Variants in BBS9 observed in about 807,000 individuals in gnomAD.
BBS9 encodes the protein Bardet-Biedl syndrome 9.
In BBS9, 89 loss-of-function variants were observed where a neutral mutation model predicts 117.7. That is an observed-to-expected ratio of 0.76 (90% CI 0.64 to 0.90). BBS9 has a LOEUF of 0.90. Among genes scored for constraint, BBS9 ranks in the 40% least tolerant of loss-of-function variants. BBS9 has a pLI of 0.00. For synonymous variants in BBS9, 379 were observed against 370.9 expected (o/e 1.02, Z -0.25); for missense variants, 982 against 1,042.2 (o/e 0.94, Z 0.80).
intron 20 of BBS9, among the ~76,000 whole-genome samples, chr7:33,532,259 G>A (rs1190272765): frequency 2.6e-5 from 4 of 152,242 alleles, no homozygotes. Flanking sequence ...GGGAGAGACA[G>A]TGTGGGTGCA....
chr7:33,412,987 T>G (rs1831400565), intron 19 of BBS9, among the ~76,000 whole-genome samples: 1 of 152,176 alleles, frequency 6.6e-6, no homozygotes, highest in African/African-American at 2.4e-5. Flanking sequence ...TTTGATATAG[T>G]TTAGTAGGGA....
At chr7:33,480,661 G>T (rs920040338) in intron 19 of BBS9, among the ~76,000 whole-genome samples, 3 of 152,278 alleles carry the variant, frequency 2.0e-5, no homozygotes, top group African/African-American at 4.8e-5. Context: ...TTGCTTAGGG[G>T]CAGGGCTGGT....
rs1836172746 is a variant in BBS9 at position 33,441,478 on chromosome 7, T to TG, written c.2115+53334_2115+53335insG. Among the ~76,000 whole-genome samples, 5 of 152,322 alleles carry TG rather than the reference T, an allele frequency of 3.3e-5. No homozygotes were observed. In the South Asian group the frequency reaches 6.2e-4, roughly 19 times the overall value. On this transcript the variant is annotated intron_variant, in intron 19 of 22. Transcript: ENST00000242067. ...TCTATTCATAAAATGAAAATCACAA[T>TG]AATACCTTGTGGAAACTTAATTCAT... is the stretch of plus-strand genomic sequence containing the variant.
chr7:33,568,002 C>T (rs927269167), intron 21 of BBS9, among the ~76,000 whole-genome samples: 3 of 152,166 alleles, frequency 2.0e-5, no homozygotes, highest in Admixed American at 1.3e-4. Context: ...TTCCTGTAGT[C>T]TTTCTTCTTC....
At chr7:33,585,988 A>G (rs1240210514) in intron 21 of BBS9, among the ~76,000 whole-genome samples, 1 of 151,992 alleles carries the variant, frequency 6.6e-6, no homozygotes, top group Non-Finnish European at 1.5e-5. Context: ...ATAACTGCCA[A>G]TTACTGAGCA....
chr7:33,166,010 A>G (rs935694390), intron 4 of BBS9, among the ~76,000 whole-genome samples: 6 of 152,022 alleles, frequency 3.9e-5, no homozygotes, highest in Admixed American at 2.0e-4. Context: ...TGACCTACAG[A>G]TGGGGTTTGG....
intron 21 of BBS9, among the ~76,000 whole-genome samples, chr7:33,627,171 C>T (rs1303583705): frequency 6.6e-6 from 1 of 152,228 alleles, no homozygotes; most frequent in Non-Finnish European, 1.5e-5. Context: ...GCATCCCAGC[C>T]ATTCCAGCCC....
At chr7:33,209,837 C>A (rs1023770259) in intron 5 of BBS9, among the ~76,000 whole-genome samples, 1 of 152,012 alleles carries the variant, frequency 6.6e-6, no homozygotes, top group African/African-American at 2.4e-5. Flanking sequence ...TTTTAAAAAA[C>A]CAACTTTTTG....
chr7:33,496,879 T>TA (rs1190761519), intron 19 of BBS9, among the ~76,000 whole-genome samples: 1 of 152,242 alleles, frequency 6.6e-6, no homozygotes, highest in African/African-American at 2.4e-5. Flanking sequence ...TTGTTTTTGG[T>TA]AAAAGAACAA....
intron 20 of BBS9, among the ~76,000 whole-genome samples, chr7:33,527,714 C>T (rs892527092): frequency 5.9e-5 from 9 of 152,228 alleles, no homozygotes; most frequent in African/African-American, 1.9e-4. Context: ...TCTTCTGCGT[C>T]GCTCACGCTG....
chr7:33,615,225 G>A (rs543068201), intron 21 of BBS9, among the ~76,000 whole-genome samples: 1 of 152,040 alleles, frequency 6.6e-6, no homozygotes, highest in South Asian at 2.1e-4. Flanking sequence ...ATACTAAATG[G>A]CCAAAAATAC....
chr7:33,424,247 GAGA>G (rs1171297106), intron 19 of BBS9, among the ~76,000 whole-genome samples: 5 of 152,188 alleles, frequency 3.3e-5, no homozygotes, highest in Admixed American at 6.5e-5. Flanking sequence ...AGAGAATAGA[GAGA>G]AGATTACTTT....
chr7:33,199,619 T>G (rs576659996), intron 5 of BBS9, among the ~76,000 whole-genome samples: 1 of 151,894 alleles, frequency 6.6e-6, no homozygotes, highest in South Asian at 2.1e-4. Context: ...TTACTCAGTC[T>G]CCTTTCCTCC....
chr7:33,586,789 A>G (rs1366214387), intron 21 of BBS9, among the ~76,000 whole-genome samples: 6 of 152,112 alleles, frequency 3.9e-5, no homozygotes, highest in South Asian at 2.1e-4. Flanking sequence ...TAAGTGAACT[A>G]TGCAGAAACA....
At chr7:33,574,684 AACACACACACAC>A (rs371229936) in intron 21 of BBS9, among the ~76,000 whole-genome samples, 28 of 137,646 alleles carry the variant, frequency 2.0e-4, no homozygotes, top group Admixed American at 9.7e-4. Flanking sequence ...AGTCATAGAA[AACACACACACAC>A]ACACACACAC....
chr7:33,546,613 C>T (rs759391426), intron 21 of BBS9, among the ~76,000 whole-genome samples: 29 of 152,098 alleles, frequency 1.9e-4, no homozygotes, highest in Non-Finnish European at 3.7e-4. Context: ...TCCTTAGGAC[C>T]TTTTACTGAT....
chr7:33,608,365 T>A (rs916147046), downstream of BBS9, among the ~76,000 whole-genome samples: 1 of 152,138 alleles, frequency 6.6e-6, no homozygotes, highest in South Asian at 2.1e-4. Flanking sequence ...TACCTATGCC[T>A]TTTGGTAGAA....
intron 5 of BBS9, among the ~76,000 whole-genome samples, chr7:33,231,259 C>T (rs1286650449): frequency 6.6e-6 from 1 of 152,082 alleles, no homozygotes; most frequent in Non-Finnish European, 1.5e-5. Flanking sequence ...CTTCCTCAGC[C>T]TCCTGAGTAG....
rs1428639471 is a variant in BBS9, at chr7:33,170,669, G to T, written c.329-6809G>T. On this transcript the variant is annotated intron_variant, in intron 4 of 22. Coordinates refer to ENST00000242067, the MANE Select transcript of BBS9 (RefSeq NM_198428.3). The stretch of plus-strand genomic sequence containing the variant: ...GAAAAAAGGAAGTCAAATTGTCCCT[G>T]TTTGCGGATGACATGATTGTATATC... 2.5e-3 allele frequency among the ~76,000 whole-genome samples: 375 copies of T among 150,930 alleles called. 1 individual carries two copies. The highest frequency in any genetic ancestry group is 8.9e-3 in the African/African-American group (366 of 40,982).
Sources: gnomAD v4.1 joint callset for allele counts (sites outside exome capture counted in the v4.1 genomes callset) on GRCh38, gnomAD v4.1.1 for gene constraint, MANE v1.5 for transcripts, NCBI Gene and HGNC (gene_info 2026-07-23, HGNC 2026-07-21) for gene names.